Variants in GRK3 observed in about 807,000 individuals in gnomAD.
GRK3 encodes the protein G protein-coupled receptor kinase 3, also known as adrenergic, beta, receptor kinase 2.
In GRK3, 54 loss-of-function variants were observed where a neutral mutation model predicts 95.7. The observed-to-expected ratio is 0.56, with a 90% CI of 0.45 to 0.71. GRK3 has a LOEUF of 0.71. Ranked by LOEUF, GRK3 falls within the 30% of genes least tolerant of loss-of-function variation. The probability of loss-of-function intolerance (pLI) is 0.00; values close to 1 mark genes in which losing one functional copy is unlikely to be tolerated. For missense variants in GRK3, 649 were observed against 851.2 expected (o/e 0.76, Z 2.96); for synonymous variants, 281 against 290.8 (o/e 0.97, Z 0.34).
At chr22:25,578,563 G>T (rs1282349016) in intron 1 of GRK3, among the ~76,000 whole-genome samples, 2 of 152,200 alleles carry the variant, frequency 1.3e-5, no homozygotes, top group Non-Finnish European at 2.9e-5. Context: ...TTAAGATAAA[G>T]AGATTATCCT....
At chr22:25,611,879 C>T (rs1356214270) in intron 2 of GRK3, among the ~76,000 whole-genome samples, 1 of 141,862 alleles carries the variant, frequency 7.0e-6, no homozygotes, top group Admixed American at 7.3e-5. Flanking sequence ...GTCACTCAGG[C>T]TGGAGTACAG....
intron 3 of GRK3, among the ~76,000 whole-genome samples, chr22:25,657,012 T>TG (rs1324839810): frequency 6.6e-6 from 1 of 152,150 alleles, no homozygotes; most frequent in Admixed American, 6.5e-5. Flanking sequence ...TGGGCATGTT[T>TG]GGGGAACTGA....
intron 9 of GRK3, among the ~76,000 whole-genome samples, chr22:25,683,742 T>G (rs1057231962): frequency 6.6e-6 from 1 of 152,238 alleles, no homozygotes; most frequent in African/African-American, 2.4e-5. Context: ...AGTTGATTTT[T>G]TAAAGTTCTT....
At chr22:25,632,407 A>G (rs913268158) in intron 2 of GRK3, among the ~76,000 whole-genome samples, 2 of 152,134 alleles carry the variant, frequency 1.3e-5, no homozygotes, top group Admixed American at 6.5e-5. Flanking sequence ...TTGCATTTTG[A>G]GAGTCTTTCA....
At chr22:25,646,883 T>A (rs188293241) in intron 3 of GRK3, among the ~76,000 whole-genome samples, 135 of 151,654 alleles carry the variant, frequency 8.9e-4, no homozygotes, top group Non-Finnish European at 1.5e-3. Context: ...TAGCCAGGTG[T>A]GGTGGTGCAT....
chr22:25,715,896 T>TATAA (rs2085380104), intron 18 of GRK3, among the ~76,000 whole-genome samples: 1 of 152,202 alleles, frequency 6.6e-6, no homozygotes, highest in Non-Finnish European at 1.5e-5. Flanking sequence ...TTACTCTTTA[T>TATAA]ATAAACGTTG....
At chr22:25,672,544 A>C (rs2084991624) in intron 7 of GRK3, among the ~76,000 whole-genome samples, 197 bp downstream of exon 7, 1 of 152,182 alleles carries the variant, frequency 6.6e-6, no homozygotes, top group Admixed American at 6.5e-5. Context: ...ATCCTTTTTC[A>C]TATTCATATG....
intron 18 of GRK3, chr22:25,715,002 C>T (rs1378972037): frequency 6.5e-6 from 1 of 152,952 alleles, no homozygotes; most frequent in African/African-American, 2.4e-5. Flanking sequence ...TTTCATTTTG[C>T]ACTGGGGCCC....
intron 1 of GRK3, among the ~76,000 whole-genome samples, chr22:25,603,822 A>G (rs1394728182): frequency 1.3e-5 from 2 of 152,224 alleles, no homozygotes; most frequent in Non-Finnish European, 2.9e-5. Context: ...GTTCTTGCAC[A>G]TATTTTGAAA....
At chr22:25,621,439 A>G (rs1266803280) in intron 2 of GRK3, among the ~76,000 whole-genome samples, 2 of 152,224 alleles carry the variant, frequency 1.3e-5, no homozygotes, top group East Asian at 1.9e-4. Context: ...TTCAAGCTGC[A>G]GAAGATCACC....
At chr22:25,650,746 A>G (rs1189139750) in intron 3 of GRK3, among the ~76,000 whole-genome samples, 2 of 152,212 alleles carry the variant, frequency 1.3e-5, no homozygotes, top group Admixed American at 1.3e-4. Context: ...AACTAACTAT[A>G]AAACTAATTT....
chr22:25,577,758 C>A (rs912160918), intron 1 of GRK3, among the ~76,000 whole-genome samples: 5 of 152,156 alleles, frequency 3.3e-5, no homozygotes, highest in African/African-American at 1.2e-4. Context: ...ATCTACTTGA[C>A]CCTGTGCTCA....
At position 25,571,855 on chromosome 22, in the gene GRK3, C is replaced by CT. The variant is rs377288429; in HGVS notation, c.113+6712dup. ...TTCTACACATGATACCTTACTCACA[C>CT]TTTTTTTTTTAAAATTATACTTTAA... On this transcript the variant is annotated intron_variant, in intron 1 of 20. Transcript: ENST00000324198. Among the ~76,000 whole-genome samples the CT allele has an allele frequency of 1.2e-3, 185 of 150,204 alleles. 1 individual carries two copies. The highest frequency in any genetic ancestry group is 5.5e-3 in the East Asian group (28 of 5,128).
chr22:25,702,269 C>A (rs1269637105), intron 13 of GRK3, among the ~76,000 whole-genome samples: 10 of 152,106 alleles, frequency 6.6e-5, no homozygotes, highest in Non-Finnish European at 8.8e-5. Flanking sequence ...CAATGTATAA[C>A]CTAATTAATT....
chr22:25,631,462 A>G lies in GRK3; in HGVS notation c.191-13130A>G, dbSNP rs986934274. ...AATTTTAGATTCCAATTTGTGGCCT[A>G]TTTACAGCCACTGTGAGGGAACATC... On this transcript the variant is annotated intron_variant, in intron 2 of 20. Coordinates refer to ENST00000324198, the MANE Select transcript of GRK3 (RefSeq NM_005160.4). Among the ~76,000 whole-genome samples, 6 of 152,288 alleles carry G rather than the reference A, an allele frequency of 3.9e-5. No homozygotes were observed. In the East Asian group the frequency reaches 1.2e-3, roughly 29 times the overall value.
intron 2 of GRK3, among the ~76,000 whole-genome samples, chr22:25,644,356 G>A (rs755924152): frequency 6.6e-6 from 1 of 151,970 alleles, no homozygotes; most frequent in Non-Finnish European, 1.5e-5. Context: ...GGGGGCGGGG[G>A]TGAACATGAA....
chr22:25,617,822 G>A (rs1409199006), intron 2 of GRK3, among the ~76,000 whole-genome samples: 1 of 152,184 alleles, frequency 6.6e-6, no homozygotes, highest in African/African-American at 2.4e-5. Context: ...TGTTGCCCAG[G>A]CTGGAGTGCA....
chr22:25,597,225 G>T (rs1010228559), intron 1 of GRK3, among the ~76,000 whole-genome samples: 2 of 151,928 alleles, frequency 1.3e-5, no homozygotes, highest in African/African-American at 4.8e-5. Flanking sequence ...AGAAAGAGCC[G>T]ACTAAAAAAA....
In GRK3 at chr22:25,703,618, G is replaced by T. The variant is rs1359471659; in HGVS notation, c.1227+42G>T. The T allele has an allele frequency of 2.9e-6, 4 of 1,366,358 alleles. No individual in the cohort carries two copies. In the South Asian group the frequency reaches 4.9e-5, roughly 17 times the overall value. 84.6% of individuals were successfully genotyped at this position (1,366,358 alleles called of 1,614,324 possible). A position where few individuals can be genotyped will look rare whatever the true frequency, so the allele number is the denominator to read the frequency against. ...CTGTATTCTTGTCTGTATGGTAATT[G>T]TCATGCTTCATTCCGTCAATAATAA... On this transcript the variant is annotated intron_variant, in intron 14 of 20. Transcript: ENST00000324198.
Sources: gnomAD v4.1 joint callset for allele counts (sites outside exome capture counted in the v4.1 genomes callset) on GRCh38, gnomAD v4.1.1 for gene constraint, MANE v1.5 for transcripts, NCBI Gene and HGNC (gene_info 2026-07-23, HGNC 2026-07-21) for gene names.